TBC1D4: variants seen among roughly 807,000 people sequenced by gnomAD.
TBC1D4 encodes the protein TBC1 domain family member 4.
In TBC1D4, 121 loss-of-function variants were observed where a neutral mutation model predicts 142.5. That is an observed-to-expected ratio of 0.85 (90% CI 0.73 to 0.99). TBC1D4 has a LOEUF of 0.99. TBC1D4 is among the 50% of genes least tolerant of loss of function. The probability of loss-of-function intolerance (pLI) is 0.00; values close to 1 mark genes in which losing one functional copy is unlikely to be tolerated. For missense variants in TBC1D4, 1,475 were observed against 1,606.6 expected, an observed-to-expected ratio of 0.92 and a Z score of 1.40; for synonymous variants, 630 against 628.2, an observed-to-expected ratio of 1.00 and a Z score of -0.04.
intron 15 of TBC1D4, among the ~76,000 whole-genome samples, chr13:75,303,505 A>C (rs1295017980): frequency 5.9e-5 from 9 of 152,186 alleles, no homozygotes; most frequent in Non-Finnish European, 1.2e-4. Flanking sequence ...ATGCCAAGGG[A>C]AATGAAGTAA....
Position 75,481,253 on chromosome 13 carries a change from C to T in TBC1D4, c.498+17G>A. ...CAAGGCCGAGCCCGCCCCCGCGCCT[C>T]CGAGCCCCTGTCTTGCCTGGCTGGG... On this transcript the variant is annotated intron_variant, in intron 1 of 20. Coordinates refer to ENST00000377636, the MANE Select transcript of TBC1D4 (RefSeq NM_014832.5). 1 of 1,610,108 alleles carries T rather than the reference C, an allele frequency of 6.2e-7. No homozygotes were observed. Among genetic ancestry groups the T allele is most frequent in the Non-Finnish European group, 8.5e-7 (1 of 1,177,798 alleles).
In TBC1D4 at chr13:75,409,213, T is replaced by C. The variant is rs117563548; in HGVS notation, c.499-46606A>G. Reference sequence around the variant, plus strand: ...TGTGGGTTTTTAAAAAGGCTAGAAATGTATATACCAGAATCTCAACAATGT... The same window carrying C: ...TGTGGGTTTTTAAAAAGGCTAGAAACGTATATACCAGAATCTCAACAATGT... On this transcript the variant is annotated intron_variant, in intron 1 of 20. Transcript: ENST00000377636. Among the ~76,000 whole-genome samples the C allele has an allele frequency of 3.2e-3, 489 of 152,324 alleles. 1 individual carries two copies. The highest frequency in any genetic ancestry group is 4.4e-3 in the Non-Finnish European group (298 of 68,010).
Position 75,327,917 on chromosome 13 carries a change from T to C in TBC1D4, c.1732-91A>G, listed in dbSNP as rs1479333423. The C allele has an allele frequency of 2.8e-5, 36 of 1,274,252 alleles. No individual in the cohort carries two copies. The East Asian group carries it at 7.8e-4, about 28-fold the overall frequency. The allele number at this position is 1,274,252 out of a possible 1,614,324, so 78.9% of individuals were successfully genotyped here. ...GTAGTTCCAGGTGGTCTCTTAATGTTAGCATTAAATTGATCATTTTGTGGT... is the reference window on the plus strand; with the variant it reads ...GTAGTTCCAGGTGGTCTCTTAATGTCAGCATTAAATTGATCATTTTGTGGT... On this transcript the variant is annotated intron_variant, in intron 8 of 20. Coordinates refer to ENST00000377636, the MANE Select transcript of TBC1D4 (RefSeq NM_014832.5).
chr13:75,374,280 G>A (rs946846500), intron 1 of TBC1D4, among the ~76,000 whole-genome samples: 19 of 151,822 alleles, frequency 1.3e-4, no homozygotes, highest in Admixed American at 7.9e-4. Context: ...TTAATTTACC[G>A]CCCATCACTT....
intron 1 of TBC1D4, among the ~76,000 whole-genome samples, chr13:75,364,538 A>T (rs1026058198): frequency 6.6e-6 from 1 of 152,254 alleles, no homozygotes; most frequent in African/African-American, 2.4e-5. Context: ...CTGTGCTAAC[A>T]TGTGACTAGC....
chr13:75,287,122 A>T, intron 20 of TBC1D4, 97 bp from the exon 21 acceptor site: 4 of 1,017,316 alleles, frequency 3.9e-6, no homozygotes, highest in Non-Finnish European at 6.0e-6. Context: ...TTACTTAATA[A>T]AATATTATGT....
At chr13:75,333,069 A>G (rs1172061921) in intron 8 of TBC1D4, among the ~76,000 whole-genome samples, 1 of 152,240 alleles carries the variant, frequency 6.6e-6, no homozygotes. Flanking sequence ...AGTTCCTCTC[A>G]AAGTCTAAGA....
intron 1 of TBC1D4, among the ~76,000 whole-genome samples, chr13:75,391,225 C>CACAT (rs59448353): frequency 6.6e-6 from 1 of 150,404 alleles, no homozygotes; most frequent in Non-Finnish European, 1.5e-5. Context: ...CACACACACA[C>CACAT]TATTTTTATC....
At chr13:75,454,117 G>A (rs919134931) in intron 1 of TBC1D4, among the ~76,000 whole-genome samples, 1 of 151,692 alleles carries the variant, frequency 6.6e-6, no homozygotes, top group Non-Finnish European at 1.5e-5. Context: ...CACCCTCCAG[G>A]CTCAAACAAT....
At chr13:75,334,691 C>T (rs500618) in intron 8 of TBC1D4, among the ~76,000 whole-genome samples, 18,075 of 152,026 alleles carry the variant, frequency 0.12, 1,910 homozygotes, top group African/African-American at 0.27. Flanking sequence ...TCCAGTGATT[C>T]TCGTGCCTCA....
intron 1 of TBC1D4, among the ~76,000 whole-genome samples, chr13:75,406,599 T>C (rs1885357200): frequency 6.6e-6 from 1 of 152,194 alleles, no homozygotes; most frequent in Non-Finnish European, 1.5e-5. Context: ...CATCACAGTG[T>C]TGTCATCGAG....
intron 1 of TBC1D4, among the ~76,000 whole-genome samples, chr13:75,438,765 GTA>G (rs1030363556): frequency 2.0e-5 from 3 of 152,096 alleles, no homozygotes; most frequent in Non-Finnish European, 4.4e-5. Context: ...TCTTAGATTC[GTA>G]TATTAGAAAA....
In TBC1D4 at chr13:75,324,288, C is replaced by T. The variant is rs184766279; in HGVS notation, c.2147G>A (p.Ser716Asn). The T allele has an allele frequency of 2.7e-4, 440 of 1,613,880 alleles. 3 individuals are homozygous for T. The East Asian group carries it at 8.6e-3, about 31-fold the overall frequency. Residue 716 changes from serine to asparagine, a missense_variant, in exon 11 of 21, where the codon AGC becomes AAC. Physicochemically the swap from Ser to Asn is conservative, Grantham distance 46. Coordinates refer to ENST00000377636, the MANE Select transcript of TBC1D4 (RefSeq NM_014832.5). ...CAGTCTACCTGAATTCTGGTAAAAG[C>T]TTTTCAGGAAAGAGGGGGCAGTGAA... ...PSFTAPSFLK[S>N]FYQNSGRLSP...
intron 8 of TBC1D4, among the ~76,000 whole-genome samples, chr13:75,333,458 C>T (rs774963261): frequency 3.9e-5 from 6 of 152,124 alleles, no homozygotes; most frequent in Admixed American, 1.3e-4. Context: ...AGGTTTAAAA[C>T]GATCACTTTG....
chr13:75,423,504 A>T (rs1886250955), intron 1 of TBC1D4, among the ~76,000 whole-genome samples: 1 of 152,116 alleles, frequency 6.6e-6, no homozygotes, highest in South Asian at 2.1e-4. Context: ...ACTGGGGGAG[A>T]GGGAGTAAAA....
chr13:75,474,431 T>C (rs187463073), intron 1 of TBC1D4, among the ~76,000 whole-genome samples: 2,816 of 152,010 alleles, frequency 0.019, 94 homozygotes, highest in African/African-American at 0.065. Flanking sequence ...TGGTGGCGGG[T>C]GCCTGTAGTC....
At chr13:75,353,956 C>G (rs79744659) in intron 4 of TBC1D4, among the ~76,000 whole-genome samples, 33 of 152,294 alleles carry the variant, frequency 2.2e-4, no homozygotes, top group African/African-American at 7.9e-4. Flanking sequence ...AGCTGTACTA[C>G]TGTGAGCCAC....
chr13:75,296,278 C>T (rs1875915171), intron 17 of TBC1D4, among the ~76,000 whole-genome samples: 1 of 151,706 alleles, frequency 6.6e-6, no homozygotes, highest in Admixed American at 6.6e-5. Flanking sequence ...AGACCATTTA[C>T]ATCGTAGAAA....
intron 1 of TBC1D4, among the ~76,000 whole-genome samples, chr13:75,368,613 A>G (rs1883055301): frequency 6.6e-6 from 1 of 152,190 alleles, no homozygotes; most frequent in Non-Finnish European, 1.5e-5. Flanking sequence ...CTGCTTCTCC[A>G]GTTGAATTCC....
Sources: gnomAD v4.1 joint callset for allele counts (sites outside exome capture counted in the v4.1 genomes callset) on GRCh38, gnomAD v4.1.1 for gene constraint, MANE v1.5 for transcripts, NCBI Gene and HGNC (gene_info 2026-07-23, HGNC 2026-07-21) for gene names.